ANO4: variants seen among roughly 807,000 people sequenced by gnomAD.
The protein encoded by ANO4 is anoctamin-4.
A neutral mutation model predicts 141.9 loss-of-function variants in ANO4; 69 were observed. The observed-to-expected ratio is 0.49, with a 90% confidence interval of 0.40 to 0.59. The LOEUF (loss-of-function observed/expected upper bound fraction) is 0.59, where lower values mean the gene tolerates loss of function less well. Among genes scored for constraint, ANO4 ranks in the 20% least tolerant of loss-of-function variants. The probability of loss-of-function intolerance (pLI) is 0.00; values close to 1 mark genes in which losing one functional copy is unlikely to be tolerated. For synonymous variants in ANO4, 350 were observed against 394.3 expected (o/e 0.89, Z 1.33); for missense variants, 894 against 1,162.2 (o/e 0.77, Z 3.36).
intron 7 of ANO4, among the ~76,000 whole-genome samples, chr12:100,984,944 A>G (rs2044643531): frequency 6.6e-6 from 1 of 150,780 alleles, no homozygotes; most frequent in Admixed American, 6.6e-5. Flanking sequence ...ATTTGTTTTT[A>G]TCCATGCTGA....
intron 1 of ANO4, among the ~76,000 whole-genome samples, chr12:100,799,816 CT>C (rs1387342257): frequency 6.6e-6 from 1 of 152,164 alleles, no homozygotes; most frequent in Non-Finnish European, 1.5e-5. Flanking sequence ...AGTGATATGA[CT>C]TCCCCAAGGC....
intron 17 of ANO4, among the ~76,000 whole-genome samples, chr12:101,091,119 T>A (rs1391396254): frequency 6.6e-6 from 1 of 152,204 alleles, no homozygotes; most frequent in Non-Finnish European, 1.5e-5. Flanking sequence ...GATGCCCTTG[T>A]GGTTTTTCAT....
chr12:100,892,580 C>T (rs576588391), intron 1 of ANO4, among the ~76,000 whole-genome samples: 1 of 151,744 alleles, frequency 6.6e-6, no homozygotes, highest in East Asian at 1.9e-4. Flanking sequence ...GGATAACCAC[C>T]TCCCTCCCTT....
At chr12:100,990,559 A>G (rs928053636) in intron 8 of ANO4, among the ~76,000 whole-genome samples, 1 of 152,250 alleles carries the variant, frequency 6.6e-6, no homozygotes, top group Admixed American at 6.5e-5. Context: ...TTTATTCAAT[A>G]GTCACTAATT....
At chr12:100,871,533 CTT>C (rs2039033293) in intron 1 of ANO4, among the ~76,000 whole-genome samples, 1 of 152,176 alleles carries the variant, frequency 6.6e-6, no homozygotes. Context: ...TTTTACAAGT[CTT>C]TTTCCTTCTG....
chr12:101,042,605 G>A (rs2047452767), intron 12 of ANO4, 137 bp downstream of exon 12: 1 of 1,230,448 alleles, frequency 8.1e-7, no homozygotes, highest in African/African-American at 1.5e-5. Flanking sequence ...AAAACTCAAA[G>A]TTTCAGTTCA....
intron 1 of ANO4, among the ~76,000 whole-genome samples, chr12:100,816,951 A>T (rs1010183440): frequency 5.3e-5 from 8 of 149,764 alleles, no homozygotes; most frequent in African/African-American, 1.5e-4. Flanking sequence ...TTATTTTTTT[A>T]AAAAATAGAG....
intron 3 of ANO4, among the ~76,000 whole-genome samples, chr12:100,936,058 G>A (rs78522531): frequency 0.013 from 1,914 of 152,222 alleles, 44 homozygotes; most frequent in African/African-American, 0.044. Flanking sequence ...TGAGAGGCTG[G>A]CAAGTGATAA....
At chr12:100,817,228 T>A (rs1306922560) in intron 1 of ANO4, among the ~76,000 whole-genome samples, 1 of 151,914 alleles carries the variant, frequency 6.6e-6, no homozygotes, top group Non-Finnish European at 1.5e-5. Context: ...GGGGTATACT[T>A]GTAAAACTTG....
Position 101,097,838 on chromosome 12 carries a change from T to C in ANO4, c.1909-10T>C, listed in dbSNP as rs1330586354. 7 of 1,613,202 alleles carry C rather than the reference T, an allele frequency of 4.3e-6. No homozygotes were observed. Among genetic ancestry groups the C allele is most frequent in the Non-Finnish European group, 5.1e-6 (6 of 1,179,242 alleles). ...TGATTCTGGAATTTCTGTGTTTGCTTACCTTGCAGTGCCACCCTAGTGGAT... is the reference window on the plus strand; with the variant it reads ...TGATTCTGGAATTTCTGTGTTTGCTCACCTTGCAGTGCCACCCTAGTGGAT... On this transcript the variant is annotated splice_polypyrimidine_tract_variant and intron_variant, in intron 20 of 27. Transcript: ENST00000392977.
intron 3 of ANO4, among the ~76,000 whole-genome samples, chr12:100,773,907 G>C (rs956445322): frequency 6.6e-6 from 1 of 152,178 alleles, no homozygotes; most frequent in Non-Finnish European, 1.5e-5. Context: ...TATTACCTGT[G>C]TGCTAAATAT....
At chr12:100,802,567 A>T (rs10745896) in intron 1 of ANO4, among the ~76,000 whole-genome samples, 110,412 of 152,118 alleles carry the variant, frequency 0.73, 40,393 homozygotes, top group East Asian at 0.94. Context: ...GCAAATAAAT[A>T]TTGCTTGTGG....
intron 2 of ANO4, among the ~76,000 whole-genome samples, chr12:100,917,096 A>G (rs1246922391): frequency 3.3e-5 from 5 of 152,218 alleles, no homozygotes; most frequent in African/African-American, 1.2e-4. Flanking sequence ...TTACAGAATC[A>G]CAATTAAGTA....
chr12:101,053,178 C>G (rs7955900), intron 14 of ANO4, among the ~76,000 whole-genome samples: 39,912 of 152,106 alleles, frequency 0.26, 5,612 homozygotes, highest in East Asian at 0.42. Flanking sequence ...ATGTAGTCAA[C>G]TTCCTGAGGC....
chr12:100,923,495 C>CAT (rs2041730797), intron 3 of ANO4, among the ~76,000 whole-genome samples: 2 of 152,114 alleles, frequency 1.3e-5, no homozygotes, highest in African/African-American at 4.8e-5. Context: ...CATAGTATTC[C>CAT]ATGGTGTATA....
intron 2 of ANO4, among the ~76,000 whole-genome samples, chr12:100,737,111 G>A (rs929595915): frequency 1.1e-4 from 17 of 152,172 alleles, no homozygotes; most frequent in African/African-American, 4.1e-4. Flanking sequence ...TACTGCTTCA[G>A]TTCCCTGGCT....
chr12:100,803,086 A>G (rs1300189039), intron 1 of ANO4, among the ~76,000 whole-genome samples: 1 of 152,158 alleles, frequency 6.6e-6, no homozygotes. Flanking sequence ...GCCCATTAGT[A>G]TTTTTCTCAA....
At chr12:100,770,841 T>A (rs1024556740) in intron 3 of ANO4, among the ~76,000 whole-genome samples, 1 of 150,484 alleles carries the variant, frequency 6.6e-6, no homozygotes, top group Admixed American at 6.7e-5. Context: ...TAGGATCCCT[T>A]CTTATAAAGG....
chr12:100,958,238 G>A (rs547250464), intron 5 of ANO4, among the ~76,000 whole-genome samples: 79 of 152,270 alleles, frequency 5.2e-4, no homozygotes, highest in African/African-American at 1.8e-3. Flanking sequence ...CATCATGACC[G>A]CAGTCTCACA....
Sources: gnomAD v4.1 joint callset for allele counts (sites outside exome capture counted in the v4.1 genomes callset) on GRCh38, gnomAD v4.1.1 for gene constraint, MANE v1.5 for transcripts, NCBI Gene and HGNC (gene_info 2026-07-23, HGNC 2026-07-21) for gene names.